Variants in VANGL1 observed in about 807,000 individuals in gnomAD.
VANGL1 encodes the protein VANGL planar cell polarity protein 1, also known as vang-like protein 1.
In VANGL1, 18 loss-of-function variants were observed where a neutral mutation model predicts 48.4. The ratio of observed to expected loss-of-function variants is 0.37; its 90% CI spans 0.26 to 0.55. The LOEUF (loss-of-function observed/expected upper bound fraction) is 0.55, where lower values mean the gene tolerates loss of function less well. Ranked by LOEUF, VANGL1 falls within the 20% of genes least tolerant of loss-of-function variation. The pLI, the probability that VANGL1 is intolerant of heterozygous loss-of-function variation, is 0.81. For missense variants in VANGL1, 667 were observed against 675.8 expected, an observed-to-expected ratio of 0.99 and a Z score of 0.14; for synonymous variants, 257 against 261.8, an observed-to-expected ratio of 0.98 and a Z score of 0.18.
intron 3 of VANGL1, among the ~76,000 whole-genome samples, chr1:115,660,712 T>C (rs1652516164): frequency 6.6e-6 from 1 of 152,322 alleles, no homozygotes; most frequent in South Asian, 2.1e-4. Flanking sequence ...GGACTATAGA[T>C]AAGCATACAT....
At chr1:115,648,773 C>G (rs1222806872) in intron 1 of VANGL1, among the ~76,000 whole-genome samples, 3 of 152,238 alleles carry the variant, frequency 2.0e-5, no homozygotes, top group Non-Finnish European at 4.4e-5. Context: ...CTGCCCACAT[C>G]TGCGGGGCCT....
intron 4 of VANGL1, among the ~76,000 whole-genome samples, chr1:115,678,268 A>G (rs543112302): frequency 1.3e-5 from 2 of 152,358 alleles, no homozygotes; most frequent in East Asian, 3.9e-4. Flanking sequence ...GAAAGAAGCC[A>G]GTCCTGTGTT....
At position 115,685,471 on chromosome 1, in the gene VANGL1, A is replaced by G. The variant is rs189584852; in HGVS notation, c.1258A>G (p.Met420Val). 8.1e-6 allele frequency: 13 copies of G among 1,614,148 alleles called. No individual in the cohort carries two copies. The Middle Eastern group carries it at 4.9e-4, about 61-fold the overall frequency. ...CACCCGGCAGCAGAACTACCACAGCATGGAGAGCATCCTGCAGCACCTGGC... is the reference window on the plus strand; with the variant it reads ...CACCCGGCAGCAGAACTACCACAGCGTGGAGAGCATCCTGCAGCACCTGGC... ...RITRQQNYHSMESILQHLAFC... is the reference protein window; with the variant it reads ...RITRQQNYHSVESILQHLAFC... The change falls in exon 7 of 8, where the codon ATG becomes GTG. Residue 420 changes from methionine to valine, a missense_variant. Met to Val is a conservative substitution (Grantham distance 21). Transcript: ENST00000355485.
chr1:115,651,788 G>A (rs988022150), intron 2 of VANGL1, among the ~76,000 whole-genome samples: 8 of 150,394 alleles, frequency 5.3e-5, no homozygotes, highest in South Asian at 2.1e-4. Flanking sequence ...ACGGAGTCTC[G>A]TTCTGTCACC....
At position 115,659,770 on chromosome 1, in the gene VANGL1, T is replaced by A; in HGVS notation, c.201T>A (p.Val67=). 1 of 1,614,110 alleles carries A rather than the reference T, an allele frequency of 6.2e-7. No individual in the cohort carries two copies. ...LGNDSTRTEE[V]QDDNWGETTT... ...ATGATTCTACTCGGACAGAGGAAGT[T>A]CAGGTAAGGATCAAAGGTGGTCTGT... is the stretch of plus-strand genomic sequence containing the variant. Residue 67 remains valine, a synonymous_variant, in exon 3 of 8, where the codon GTT becomes GTA. Coordinates refer to ENST00000355485, the MANE Select transcript of VANGL1 (RefSeq NM_138959.3).
chr1:115,660,274 G>T (rs1020471462), intron 3 of VANGL1, among the ~76,000 whole-genome samples: 15 of 152,186 alleles, frequency 9.9e-5, no homozygotes, highest in Admixed American at 5.9e-4. Context: ...CTAGCTTTGG[G>T]TTAACAGCAA....
At position 115,692,308 on chromosome 1, in the gene VANGL1, G is replaced by A. The variant is rs886045123; in HGVS notation, c.*929G>A. On this transcript the variant is annotated 3_prime_UTR_variant, in exon 8 of 8. Coordinates refer to ENST00000355485, the MANE Select transcript of VANGL1 (RefSeq NM_138959.3). The stretch of plus-strand genomic sequence containing the variant: ...CCACTGTTCTACACCAACCAGGGGA[G>A]ACTAACACTGTGACTCTGGGATTGG... The A allele has an allele frequency of 1.3e-5, 2 of 152,738 alleles. No homozygotes were observed. Among genetic ancestry groups the A allele is most frequent in the Non-Finnish European group, 2.9e-5 (2 of 68,116 alleles). The allele number at this position is 152,738 out of a possible 1,614,324, so 9.5% of individuals were successfully genotyped here.
chr1:115,691,481 C>G lies in VANGL1; in HGVS notation c.*102C>G. The G allele has an allele frequency of 7.9e-7, 1 of 1,271,486 alleles. No homozygotes were observed. The highest frequency in any genetic ancestry group is 1.1e-6 in the Non-Finnish European group (1 of 938,656). The allele number at this position is 1,271,486 out of a possible 1,614,324, so 78.8% of individuals were successfully genotyped here. On this transcript the variant is annotated 3_prime_UTR_variant, in exon 8 of 8. Coordinates refer to ENST00000355485, the MANE Select transcript of VANGL1 (RefSeq NM_138959.3). ...CTTTTTTAAAAATTCTTCTTCATTG[C>G]TGACTGAAACTGGCAGATGATTGAC...
rs1570778458 is a variant in VANGL1 at position 115,689,225 on chromosome 1, T to C, written c.1315-1894T>C. Among the ~76,000 whole-genome samples, 3 of 138,634 alleles carry C rather than the reference T, an allele frequency of 2.2e-5. 1 individual carries two copies. Among genetic ancestry groups the C allele is most frequent in the African/African-American group, 8.1e-5 (3 of 36,952 alleles). The allele number at this position is 138,634 out of a possible 152,430, so 90.9% of individuals were successfully genotyped here. ...TCTTTTTCTTATGATTCATAGGAGC[T>C]GTATTTATATTAGAAGTGTGGGAGT... On this transcript the variant is annotated intron_variant, in intron 7 of 7. Coordinates refer to ENST00000355485, the MANE Select transcript of VANGL1 (RefSeq NM_138959.3).
intron 4 of VANGL1, among the ~76,000 whole-genome samples, chr1:115,680,743 G>C (rs1416597042): frequency 6.9e-6 from 1 of 144,192 alleles, no homozygotes; most frequent in African/African-American, 2.6e-5. Context: ...TGGGTGGGTA[G>C]ACAGAATTTC....
chr1:115,685,562 C>T (rs1445309083), intron 7 of VANGL1, 35 bp downstream of exon 7: 1 of 1,605,106 alleles, frequency 6.2e-7, no homozygotes, highest in Admixed American at 1.7e-5. Context: ...CCACCGTCAT[C>T]CTGGCTTGTC....
At position 115,663,323 on chromosome 1, in the gene VANGL1, G is replaced by A. The variant is rs4839041; in HGVS notation, c.205-338G>A. ...AAGATTAGTCTAATACCTGGGTTGC[G>A]CATTGCAGGGCAAACAGCTCCAGGC... On this transcript the variant is annotated intron_variant, in intron 3 of 7. Coordinates refer to ENST00000355485, the MANE Select transcript of VANGL1 (RefSeq NM_138959.3). 4.9e-3 allele frequency among the ~76,000 whole-genome samples: 750 copies of A among 152,254 alleles called. 5 individuals carry two copies. The highest frequency in any genetic ancestry group is 0.027 in the Middle Eastern group (8 of 294).
chr1:115,651,429 A>G lies in VANGL1; in HGVS notation c.16A>G (p.Thr6Ala). The change falls in exon 2 of 8, where the codon ACT becomes GCT. Residue 6 changes from threonine to alanine, a missense_variant. Thr to Ala is a moderately conservative substitution (Grantham distance 58). Coordinates refer to ENST00000355485, the MANE Select transcript of VANGL1 (RefSeq NM_138959.3). MDTES[T>A]YSGYSYYSSH... Reference sequence around the variant, plus strand: ...CTCCATTGCTATGGATACCGAATCCACTTATTCTGGATATTCTTACTATTC... The same window carrying G: ...CTCCATTGCTATGGATACCGAATCCGCTTATTCTGGATATTCTTACTATTC... 1 of 1,614,058 alleles carries G rather than the reference A, an allele frequency of 6.2e-7. No homozygotes were observed. Among genetic ancestry groups the G allele is most frequent in the Non-Finnish European group, 8.5e-7 (1 of 1,180,014 alleles).
At chr1:115,684,128 T>TCTTA in intron 6 of VANGL1, 52 bp downstream of exon 6, 1 of 1,386,432 alleles carries the variant, frequency 7.2e-7, no homozygotes, top group Non-Finnish European at 9.6e-7. Context: ...TAAATTTTTA[T>TCTTA]TTTATTTATT....
intron 3 of VANGL1, among the ~76,000 whole-genome samples, chr1:115,662,605 C>T (rs149471550): frequency 5.1e-4 from 78 of 152,196 alleles, no homozygotes; most frequent in African/African-American, 1.9e-3. Context: ...TTTAATAATC[C>T]TGGTTGTTTC....
At chr1:115,687,763 C>T (rs1653683983) in intron 7 of VANGL1, among the ~76,000 whole-genome samples, 1 of 132,452 alleles carries the variant, frequency 7.5e-6, no homozygotes, top group African/African-American at 2.9e-5. Context: ...ACCACAGGCA[C>T]ACGCCACCAT....
intron 6 of VANGL1, 109 bp downstream of exon 6, chr1:115,684,185 C>T (rs1653506988): frequency 4.2e-6 from 5 of 1,186,240 alleles, no homozygotes; most frequent in Non-Finnish European, 5.5e-6. Context: ...GTTGCCCAGG[C>T]TGGAGTGCAG....
At chr1:115,683,758 G>A (rs574024616) in intron 5 of VANGL1, among the ~76,000 whole-genome samples, 186 bp from the exon 6 acceptor site, 1 of 152,274 alleles carries the variant, frequency 6.6e-6, no homozygotes, top group African/African-American at 2.4e-5. Flanking sequence ...CTGCTCCCTT[G>A]CTTTGGACAT....
chr1:115,687,938 GTAGATAGATAGA>G lies in VANGL1; in HGVS notation c.1314+2452_1314+2463del, dbSNP rs71096827. ...CCGGCCTATATATATCATTCATTAG[GTAGATAGATAGA>G]TAGATAGATAGATAGATAGATAGAT... On this transcript the variant is annotated intron_variant, in intron 7 of 7. Transcript: ENST00000355485. Among the ~76,000 whole-genome samples the G allele has an allele frequency of 1.2e-3, 136 of 112,708 alleles. 18 individuals are homozygous for G. The highest frequency in any genetic ancestry group is 2.4e-3 in the African/African-American group (67 of 28,316). 73.9% of individuals were successfully genotyped at this position (112,708 alleles called of 152,430 possible).
Sources: gnomAD v4.1 joint callset for allele counts (sites outside exome capture counted in the v4.1 genomes callset) on GRCh38, gnomAD v4.1.1 for gene constraint, MANE v1.5 for transcripts, NCBI Gene and HGNC (gene_info 2026-07-23, HGNC 2026-07-21) for gene names.